The following ZIM2 variants were observed in gnomAD, a reference collection of about 807,000 sequenced individuals.
The protein encoded by ZIM2 is zinc finger imprinted 2, also known as zinc finger protein 656.
Under a neutral mutation model 38.6 loss-of-function variants are expected in ZIM2, and 14 were observed. The ratio of observed to expected loss-of-function variants is 0.36; its 90% CI spans 0.24 to 0.57. The LOEUF (loss-of-function observed/expected upper bound fraction) is 0.57. Among genes scored for constraint, ZIM2 ranks in the 20% least tolerant of loss-of-function variants. The pLI is 0.81. For missense variants in ZIM2, 680 were observed against 695.1 expected (o/e 0.98, Z 0.24); for synonymous variants, 247 against 245.8 (o/e 1.00, Z -0.04).
intron 9 of ZIM2, chr19:56,811,305 T>TC: frequency 1.1e-6 from 1 of 912,060 alleles, no homozygotes; most frequent in Non-Finnish European, 1.3e-6. Flanking sequence ...TTTAAACAGT[T>TC]ATAATGAACT....
intron 9 of ZIM2, among the ~76,000 whole-genome samples, chr19:56,801,462 C>T (rs1044315363): frequency 2.0e-5 from 3 of 152,004 alleles, no homozygotes; most frequent in African/African-American, 4.8e-5. Context: ...ATCCCCAGTG[C>T]GGAAATAGAG....
chr19:56,796,534 G>A (rs564137640), intron 9 of ZIM2, among the ~76,000 whole-genome samples: 28 of 152,314 alleles, frequency 1.8e-4, no homozygotes, highest in Admixed American at 5.2e-4. Context: ...CTCTAAGCTG[G>A]AGGCTGATCC....
rs147779075 is a variant in ZIM2, at chr19:56,774,862, G to T, written c.1503C>A (p.Asp501Glu). The T allele has an allele frequency of 2.3e-5, 37 of 1,614,062 alleles. No individual in the cohort carries two copies. The highest frequency in any genetic ancestry group is 2.9e-5 in the Non-Finnish European group (34 of 1,180,046). ...YVGERACQCC[D>E]CGRVFSRNSY... The stretch of plus-strand genomic sequence containing the variant: ...AATTCCGACTGAAGACTCTGCCACA[G>T]TCACAACACTGGCAGGCTCTCTCTC... Residue 501 changes from aspartate (D) to glutamate (E), a missense_variant, in exon 13 of 13, where the codon GAC becomes GAA. Transcript: ENST00000629319.
intron 7 of ZIM2, 32 bp downstream of exon 7, chr19:56,821,619 C>T (rs1212497750): frequency 8.1e-6 from 13 of 1,610,468 alleles, no homozygotes; most frequent in Non-Finnish European, 9.3e-6. Context: ...ATGAAGATGG[C>T]CTTTCTAGAA....
chr19:56,839,903 A>C (rs1027536027), intron 1 of ZIM2, among the ~76,000 whole-genome samples: 5 of 152,224 alleles, frequency 3.3e-5, no homozygotes, highest in African/African-American at 4.8e-5. Flanking sequence ...CCAACCAACC[A>C]AGGCAGCTCC....
chr19:56,776,502 A>G (rs1334763103), intron 12 of ZIM2, among the ~76,000 whole-genome samples: 3 of 152,146 alleles, frequency 2.0e-5, no homozygotes, highest in African/African-American at 4.8e-5. Flanking sequence ...TAGAACATCT[A>G]TTACTATGGT....
chr19:56,811,658 AC>A (rs2059551383), intron 9 of ZIM2: 1 of 985,394 alleles, frequency 1.0e-6, no homozygotes. Flanking sequence ...CGACATCAAC[AC>A]TGATTCTCGT....
At chr19:56,811,750 T>C (rs2059556941) in intron 9 of ZIM2, 2 of 985,462 alleles carry the variant, frequency 2.0e-6, no homozygotes, top group Admixed American at 6.1e-5. Context: ...GTCCTTCCTA[T>C]GCAGCCAGCC....
chr19:56,775,091 A>G lies in ZIM2; in HGVS notation c.1274T>C (p.Val425Ala). ...SGCNEGRKPSVQCANLCERVR... is the reference protein window; with the variant it reads ...SGCNEGRKPSAQCANLCERVR... ...ACGTTCACAGAGATTCGCACACTGG[A>G]CGGAAGGCTTTCTACCTTCATTGCA... is the stretch of plus-strand genomic sequence containing the variant. Residue 425 changes from valine (V) to alanine (A), a missense_variant, in exon 13 of 13, where the codon GTC (valine) becomes GCC (alanine). Transcript: ENST00000629319. 1.2e-6 allele frequency: 2 copies of G among 1,614,134 alleles called. No individual in the cohort carries two copies. The highest frequency in any genetic ancestry group is 1.6e-4 in the Middle Eastern group (1 of 6,062).
At position 56,813,965 on chromosome 19, in the gene ZIM2, C is replaced by G; in HGVS notation, c.490+3781G>C. ...TCTACCTGAATCTCTTGATCTTCACCTTCTTCTGGGTCTTCAATTCCCACA... is the reference window on the plus strand; with the variant it reads ...TCTACCTGAATCTCTTGATCTTCACGTTCTTCTGGGTCTTCAATTCCCACA... On this transcript the variant is annotated intron_variant, in intron 9 of 12. Coordinates refer to ENST00000629319, the MANE Select transcript of ZIM2 (RefSeq NM_001387356.1). 3.1e-6 allele frequency: 5 copies of G among 1,614,098 alleles called. No homozygotes were observed. In the South Asian group the frequency reaches 3.3e-5, roughly 11 times the overall value.
intron 1 of ZIM2, among the ~76,000 whole-genome samples, chr19:56,837,947 G>A (rs534530600): frequency 2.9e-4 from 44 of 152,312 alleles, no homozygotes; most frequent in Non-Finnish European, 5.3e-4. Context: ...AATGCCGGCT[G>A]CTCTATCAGA....
intron 9 of ZIM2, chr19:56,816,265 C>T (rs375408749): frequency 6.2e-7 from 1 of 1,613,736 alleles, no homozygotes. Context: ...AGTGAATGGC[C>T]CACTATGAAT....
Position 56,774,665 on chromosome 19 carries a change from T to A in ZIM2, c.*23A>T, listed in dbSNP as rs1284541782. 1 of 1,605,604 alleles carries A rather than the reference T, an allele frequency of 6.2e-7. No individual in the cohort carries two copies. The highest frequency in any genetic ancestry group is 8.5e-7 in the Non-Finnish European group (1 of 1,175,002). On this transcript the variant is annotated 3_prime_UTR_variant, in exon 13 of 13. Coordinates refer to ENST00000629319, the MANE Select transcript of ZIM2 (RefSeq NM_001387356.1). ...AGGAAGCCAATAATGTTGAGAAAAG[T>A]GTGTGCTGTGACTAAAGGTTTCTCA...
intron 9 of ZIM2, chr19:56,798,980 T>C (rs145397875): frequency 4.7e-4 from 71 of 152,292 alleles, no homozygotes; most frequent in African/African-American, 1.6e-3. Flanking sequence ...ATAGCAAGGT[T>C]GTGAAGAAAA....
At chr19:56,830,609 A>G (rs969293902) in intron 2 of ZIM2, among the ~76,000 whole-genome samples, 4 of 152,374 alleles carry the variant, frequency 2.6e-5, no homozygotes, top group East Asian at 1.9e-4. Flanking sequence ...AAGAAAAAGA[A>G]AAGTATAAAT....
In ZIM2 at chr19:56,775,356, G is replaced by A. The variant is rs1399013663; in HGVS notation, c.1009C>T (p.Pro337Ser). 1.9e-6 allele frequency: 3 copies of A among 1,614,198 alleles called. No individual in the cohort carries two copies. The highest frequency in any genetic ancestry group is 1.7e-6 in the Non-Finnish European group (2 of 1,180,038). The part of the protein sequence containing the change: ...KQSKDPLGKD[P>S]QEGTAPGICT... ...ATTCCAGGAGCAGTGCCTTCCTGGGGATCCTTTCCTAGAGGATCCTTTGAT... is the reference window on the plus strand; with the variant it reads ...ATTCCAGGAGCAGTGCCTTCCTGGGAATCCTTTCCTAGAGGATCCTTTGAT... Residue 337 changes from proline to serine, a missense_variant, in exon 13 of 13, where the codon CCC (proline) becomes TCC (serine). Transcript: ENST00000629319.
At chr19:56,817,440 T>C in intron 9 of ZIM2, 3 of 1,614,136 alleles carry the variant, frequency 1.9e-6, no homozygotes, top group Non-Finnish European at 2.5e-6. Flanking sequence ...ACCGGTCGCT[T>C]GACTCCCTTG....
At chr19:56,839,387 C>T (rs1318903945) in intron 1 of ZIM2, among the ~76,000 whole-genome samples, 5 of 151,504 alleles carry the variant, frequency 3.3e-5, no homozygotes, top group Non-Finnish European at 7.4e-5. Context: ...CACAGCAAAC[C>T]TCAGCAGCCC....
chr19:56,816,773 A>C, intron 9 of ZIM2: 1 of 1,614,092 alleles, frequency 6.2e-7, no homozygotes, highest in South Asian at 1.1e-5. Flanking sequence ...TCTTTGCCAT[A>C]TATTTTCTGA....
Sources: gnomAD v4.1 joint callset for allele counts (sites outside exome capture counted in the v4.1 genomes callset) on GRCh38, gnomAD v4.1.1 for gene constraint, MANE v1.5 for transcripts, NCBI Gene and HGNC (gene_info 2026-07-23, HGNC 2026-07-21) for gene names.